MTHFS: variants seen among roughly 807,000 people sequenced by gnomAD.
The protein encoded by MTHFS is methenyltetrahydrofolate synthetase.
A neutral mutation model predicts 12.7 loss-of-function variants in MTHFS; 7 were observed. The observed-to-expected ratio is 0.55, with a 90% CI of 0.31 to 1.03. MTHFS has a LOEUF of 1.03. MTHFS is among the 50% of genes least tolerant of loss of function. MTHFS has a pLI of 0.05. For missense variants in MTHFS, 252 were observed against 258.1 expected (o/e 0.98, Z 0.16); for synonymous variants, 100 against 97.1 (o/e 1.03, Z -0.18).
intron 2 of MTHFS, among the ~76,000 whole-genome samples, chr15:79,888,277 G>A (rs528491711): frequency 6.6e-6 from 1 of 152,094 alleles, no homozygotes; most frequent in Non-Finnish European, 1.5e-5. Flanking sequence ...ACTATGAAGT[G>A]GGGAGTAGAA....
intron 1 of MTHFS, among the ~76,000 whole-genome samples, chr15:79,891,505 A>G (rs1477732233): frequency 6.6e-6 from 1 of 152,236 alleles, no homozygotes; most frequent in African/African-American, 2.4e-5. Context: ...GAAATAATCA[A>G]TGGAAACTAA....
chr15:79,886,962 C>T (rs561740096), intron 2 of MTHFS, among the ~76,000 whole-genome samples: 10 of 152,278 alleles, frequency 6.6e-5, no homozygotes, highest in Admixed American at 3.3e-4. Flanking sequence ...ATACATAGGC[C>T]GGGCACGGTG....
At position 79,889,252 on chromosome 15, in the gene MTHFS, G is replaced by T; in HGVS notation, c.220C>A (p.Arg74=). ...TEEIIKDIFQ[R]GKICFIPRYR... is the part of the protein sequence containing the mutation. Reference sequence around the variant, plus strand: ...CGAGGGATGAAGCAGATTTTGCCTCGTTGGAAAATGTCCTTGATGATCTCT... The same window carrying T: ...CGAGGGATGAAGCAGATTTTGCCTCTTTGGAAAATGTCCTTGATGATCTCT... Residue 74 remains arginine, a synonymous_variant, in exon 2 of 3, where the codon CGA becomes AGA. Transcript: ENST00000258874. 6.2e-7 allele frequency: 1 copy of T among 1,614,142 alleles called. No homozygotes were observed. Among genetic ancestry groups the T allele is most frequent in the Non-Finnish European group, 8.5e-7 (1 of 1,180,034 alleles).
chr15:79,872,714 T>C (rs555955246), intron 2 of MTHFS, among the ~76,000 whole-genome samples: 3 of 152,224 alleles, frequency 2.0e-5, no homozygotes, highest in Admixed American at 6.5e-5. Flanking sequence ...TTCCAGGTCA[T>C]TGCCATGGCA....
intron 2 of MTHFS, among the ~76,000 whole-genome samples, chr15:79,865,078 C>CT (rs1182501548): frequency 6.6e-6 from 1 of 152,128 alleles, no homozygotes; most frequent in Non-Finnish European, 1.5e-5. Flanking sequence ...TTACAGCAAC[C>CT]TTTTGCAGAT....
chr15:79,897,123 C>T, upstream of MTHFS: 1 of 795,348 alleles, frequency 1.3e-6, no homozygotes. Flanking sequence ...CCCCACCCCG[C>T]TTCCGGGACG....
intron 2 of MTHFS, among the ~76,000 whole-genome samples, chr15:79,858,741 G>C (rs912829288): frequency 6.6e-6 from 1 of 152,030 alleles, no homozygotes; most frequent in Non-Finnish European, 1.5e-5. Flanking sequence ...ACCTAGTCTT[G>C]AATACTTTGT....
intron 2 of MTHFS, among the ~76,000 whole-genome samples, chr15:79,880,625 ATGT>A (rs1454865951): frequency 6.6e-6 from 1 of 152,068 alleles, no homozygotes; most frequent in Non-Finnish European, 1.5e-5. Flanking sequence ...CAAAAAAAAA[ATGT>A]TTGAAGACTA....
intron 2 of MTHFS, among the ~76,000 whole-genome samples, chr15:79,855,898 T>C (rs2033792606): frequency 6.6e-6 from 1 of 152,250 alleles, no homozygotes; most frequent in Non-Finnish European, 1.5e-5. Context: ...GTACCATATT[T>C]TCTTTATTCA....
intron 2 of MTHFS, among the ~76,000 whole-genome samples, chr15:79,855,574 T>A (rs1187440917): frequency 6.6e-6 from 1 of 152,172 alleles, no homozygotes; most frequent in Non-Finnish European, 1.5e-5. Flanking sequence ...ACAAGTAAAC[T>A]CATGTCACAG....
intron 2 of MTHFS, among the ~76,000 whole-genome samples, chr15:79,858,114 T>C (rs1223048246): frequency 6.6e-6 from 1 of 151,962 alleles, no homozygotes; most frequent in Admixed American, 6.6e-5. Context: ...TTTAATGGAT[T>C]CAAATCAATA....
chr15:79,883,802 C>T (rs969870491), intron 2 of MTHFS, among the ~76,000 whole-genome samples: 4 of 152,278 alleles, frequency 2.6e-5, no homozygotes, highest in Admixed American at 6.5e-5. Flanking sequence ...TAATTCTGCC[C>T]AAGTGGTAAA....
chr15:79,890,964 G>A (rs1242794231), intron 1 of MTHFS, among the ~76,000 whole-genome samples: 1 of 152,192 alleles, frequency 6.6e-6, no homozygotes, highest in East Asian at 1.9e-4. Context: ...TGAATAAGCA[G>A]TAATAAACAT....
chr15:79,881,833 A>AC (rs2034301461), intron 2 of MTHFS, among the ~76,000 whole-genome samples: 1 of 152,192 alleles, frequency 6.6e-6, no homozygotes, highest in Admixed American at 6.5e-5. Flanking sequence ...GAACTGGGTG[A>AC]CCTCGCATTA....
intron 2 of MTHFS, among the ~76,000 whole-genome samples, chr15:79,873,874 T>C (rs1033349316): frequency 2.0e-5 from 3 of 152,152 alleles, no homozygotes; most frequent in African/African-American, 7.2e-5. Flanking sequence ...AAGAGCATAA[T>C]GGGAATGTAA....
intron 2 of MTHFS, among the ~76,000 whole-genome samples, chr15:79,881,708 T>C (rs953154229): frequency 6.6e-6 from 1 of 152,120 alleles, no homozygotes; most frequent in Non-Finnish European, 1.5e-5. Flanking sequence ...GTTCCATGAA[T>C]AACGGTTTTA....
chr15:79,862,047 T>C (rs925799201), intron 2 of MTHFS, among the ~76,000 whole-genome samples: 2 of 152,184 alleles, frequency 1.3e-5, no homozygotes, highest in African/African-American at 4.8e-5. Context: ...TATGAATGAA[T>C]GAATTGTTGC....
chr15:79,854,585 C>G (rs1809290014), intron 2 of MTHFS, among the ~76,000 whole-genome samples: 1 of 152,174 alleles, frequency 6.6e-6, no homozygotes, highest in African/African-American at 2.4e-5. Context: ...AGTGGTTACT[C>G]CTGGCTTGGA....
At chr15:79,862,102 C>T (rs2033927153) in intron 2 of MTHFS, among the ~76,000 whole-genome samples, 1 of 151,842 alleles carries the variant, frequency 6.6e-6, no homozygotes, top group Non-Finnish European at 1.5e-5. Flanking sequence ...TTTCTAACAC[C>T]AACATAGACT....
Sources: gnomAD v4.1 joint callset for allele counts (sites outside exome capture counted in the v4.1 genomes callset) on GRCh38, gnomAD v4.1.1 for gene constraint, MANE v1.5 for transcripts, NCBI Gene and HGNC (gene_info 2026-07-23, HGNC 2026-07-21) for gene names.